The following CACNG3 variants were observed in gnomAD, a reference collection of about 807,000 sequenced individuals.
The protein encoded by CACNG3 is voltage-dependent calcium channel gamma-3 subunit.
In CACNG3, 3 loss-of-function variants were observed where a neutral mutation model predicts 28.5. The ratio of observed to expected loss-of-function variants is 0.11; its 90% CI spans 0.05 to 0.27. The LOEUF (loss-of-function observed/expected upper bound fraction) is 0.27. CACNG3 is among the 10% of genes least tolerant of loss of function. The probability of loss-of-function intolerance (pLI) is 1.00; values close to 1 mark genes in which losing one functional copy is unlikely to be tolerated. For synonymous variants in CACNG3, 174 were observed against 162.2 expected (o/e 1.07, Z -0.55); for missense variants, 236 against 414.4 (o/e 0.57, Z 3.74).
chr16:24,292,894 G>T (rs190808707), intron 1 of CACNG3, among the ~76,000 whole-genome samples: 23 of 152,332 alleles, frequency 1.5e-4, no homozygotes, highest in Non-Finnish European at 2.4e-4. Flanking sequence ...GAACAGGAAA[G>T]AACCAGAGAG....
rs967066159 is a variant in CACNG3, at chr16:24,362,130, G to A, written c.*267G>A. ...GTTTTCCTTTCTTCCTTCTTTACTGGAAGGACCTCCACATTCTTCCCTCCT... is the reference window on the plus strand; with the variant it reads ...GTTTTCCTTTCTTCCTTCTTTACTGAAAGGACCTCCACATTCTTCCCTCCT... On this transcript the variant is annotated 3_prime_UTR_variant, in exon 4 of 4. Coordinates refer to ENST00000005284, the MANE Select transcript of CACNG3 (RefSeq NM_006539.4). 12 of 350,464 alleles carry A rather than the reference G, an allele frequency of 3.4e-5. No homozygotes were observed. Among genetic ancestry groups the A allele is most frequent in the African/African-American group, 2.3e-4 (11 of 48,178 alleles). The allele number at this position is 350,464 out of a possible 1,614,324, so 21.7% of individuals were successfully genotyped here. A position where few individuals can be genotyped will look rare whatever the true frequency, so the allele number is the denominator to read the frequency against.
At chr16:24,312,072 A>C (rs1337763603) in intron 1 of CACNG3, among the ~76,000 whole-genome samples, 1 of 152,212 alleles carries the variant, frequency 6.6e-6, no homozygotes, top group Non-Finnish European at 1.5e-5. Context: ...ACAAGAAGGA[A>C]TGATGGAGCC....
intron 1 of CACNG3, among the ~76,000 whole-genome samples, chr16:24,305,103 G>A (rs1899167364): frequency 2.0e-5 from 3 of 152,082 alleles, no homozygotes. Flanking sequence ...GTAAGTGATG[G>A]ATTCTGGGTG....
chr16:24,324,698 C>T (rs961792099), intron 1 of CACNG3, among the ~76,000 whole-genome samples: 2 of 152,148 alleles, frequency 1.3e-5, no homozygotes, highest in Non-Finnish European at 2.9e-5. Context: ...TCCTCAGTGG[C>T]CCATGTGCTC....
At chr16:24,337,383 A>G (rs1000206789) in intron 1 of CACNG3, among the ~76,000 whole-genome samples, 37 of 152,130 alleles carry the variant, frequency 2.4e-4, no homozygotes, top group African/African-American at 8.2e-4. Flanking sequence ...GCTGGTGACC[A>G]CTTCCCAGGA....
Position 24,353,928 on chromosome 16 carries a change from C to T in CACNG3, c.296-905C>T, listed in dbSNP as rs58906248. Among the ~76,000 whole-genome samples the T allele has an allele frequency of 1.2e-3, 178 of 152,284 alleles. 2 individuals carry two copies. Among genetic ancestry groups the T allele is most frequent in the African/African-American group, 4.1e-3 (171 of 41,558 alleles). ...GGCTCTTAGGCCGGGTGCAGTGGCT[C>T]ATGCCTATAATCCCAGTACTTTGAG... On this transcript the variant is annotated intron_variant, in intron 2 of 3. Transcript: ENST00000005284.
chr16:24,285,952 T>G (rs1211895420), intron 1 of CACNG3, among the ~76,000 whole-genome samples: 2 of 150,704 alleles, frequency 1.3e-5, no homozygotes, highest in East Asian at 4.0e-4. Flanking sequence ...TAAGCAATCC[T>G]CTCACCTCAG....
chr16:24,287,939 T>A (rs1596628797), intron 1 of CACNG3, among the ~76,000 whole-genome samples: 1 of 151,930 alleles, frequency 6.6e-6, no homozygotes, highest in East Asian at 1.9e-4. Context: ...TGAACCCGAG[T>A]CTTTCCAAAA....
At chr16:24,284,061 AT>A (rs1374423246) in intron 1 of CACNG3, among the ~76,000 whole-genome samples, 1 of 152,136 alleles carries the variant, frequency 6.6e-6, no homozygotes, top group African/African-American at 2.4e-5. Flanking sequence ...AGTTATGTTA[AT>A]GTCTTTCGTA....
chr16:24,328,609 A>T (rs919472162), intron 1 of CACNG3, among the ~76,000 whole-genome samples: 2 of 139,938 alleles, frequency 1.4e-5, no homozygotes, highest in African/African-American at 6.6e-5. Context: ...AATAAATATA[A>T]ACAAGATATT....
intron 2 of CACNG3, among the ~76,000 whole-genome samples, chr16:24,352,209 G>A (rs1490674821): frequency 6.6e-6 from 1 of 152,064 alleles, no homozygotes; most frequent in Non-Finnish European, 1.5e-5. Flanking sequence ...GAGCTAAACA[G>A]GCAGAAAAAC....
intron 1 of CACNG3, among the ~76,000 whole-genome samples, chr16:24,277,306 G>C (rs112249827): frequency 0.013 from 2,005 of 152,230 alleles, 38 homozygotes; most frequent in African/African-American, 0.046. Context: ...CTCTCGACAG[G>C]AACATTTGGT....
intron 1 of CACNG3, among the ~76,000 whole-genome samples, chr16:24,273,464 T>C (rs2141348281): frequency 6.6e-6 from 1 of 152,358 alleles, no homozygotes; most frequent in African/African-American, 2.4e-5. Context: ...TTCACATTCC[T>C]CACTTCCATC....
At chr16:24,347,658 C>A (rs1243924327) in intron 2 of CACNG3, among the ~76,000 whole-genome samples, 2 of 152,166 alleles carry the variant, frequency 1.3e-5, no homozygotes, top group Non-Finnish European at 2.9e-5. Flanking sequence ...TTCAGTCCTA[C>A]TGGGACAGAG....
chr16:24,293,628 A>T (rs1022333070), intron 1 of CACNG3, among the ~76,000 whole-genome samples: 5 of 152,244 alleles, frequency 3.3e-5, no homozygotes, highest in Admixed American at 3.3e-4. Context: ...TCAAAAGCAC[A>T]TCACTTGCAC....
chr16:24,262,698 C>T (rs1898551804), intron 1 of CACNG3, among the ~76,000 whole-genome samples: 1 of 152,198 alleles, frequency 6.6e-6, no homozygotes. Flanking sequence ...CATTCCCAGT[C>T]GTATCATCAT....
At chr16:24,293,972 C>T (rs1445535713) in intron 1 of CACNG3, among the ~76,000 whole-genome samples, 7 of 152,130 alleles carry the variant, frequency 4.6e-5, no homozygotes, top group Admixed American at 3.3e-4. Flanking sequence ...CCTTGCTTTT[C>T]GTCCCCATCC....
chr16:24,309,706 G>A (rs918322641), intron 1 of CACNG3, among the ~76,000 whole-genome samples: 6 of 152,206 alleles, frequency 3.9e-5, no homozygotes, highest in Non-Finnish European at 5.9e-5. Flanking sequence ...ATCAGATCAT[G>A]TCCTGCCATG....
At chr16:24,341,797 G>T (rs1899791361) in intron 1 of CACNG3, among the ~76,000 whole-genome samples, 1 of 152,176 alleles carries the variant, frequency 6.6e-6, no homozygotes, top group African/African-American at 2.4e-5. Flanking sequence ...AGAATATAGA[G>T]CCAGGTGGGG....
Sources: gnomAD v4.1 joint callset for allele counts (sites outside exome capture counted in the v4.1 genomes callset) on GRCh38, gnomAD v4.1.1 for gene constraint, MANE v1.5 for transcripts, NCBI Gene and HGNC (gene_info 2026-07-23, HGNC 2026-07-21) for gene names.